MICU1: variants seen among roughly 807,000 people sequenced by gnomAD.
MICU1 encodes mitochondrial calcium uptake 1.
A neutral mutation model predicts 56.8 loss-of-function variants in MICU1; 45 were observed. That is an observed-to-expected ratio of 0.79 (90% confidence interval 0.62 to 1.02). The LOEUF (loss-of-function observed/expected upper bound fraction) is 1.02, where lower values mean the gene tolerates loss of function less well. MICU1 is among the 50% of genes least tolerant of loss of function. The pLI is 0.00. For missense variants in MICU1, 504 were observed against 587.1 expected, an observed-to-expected ratio of 0.86 and a Z score of 1.46; for synonymous variants, 186 against 195.1, an observed-to-expected ratio of 0.95 and a Z score of 0.39.
At chr10:72,376,234 C>T (rs1255284188) in intron 10 of MICU1, among the ~76,000 whole-genome samples, 2 of 151,058 alleles carry the variant, frequency 1.3e-5, no homozygotes, top group African/African-American at 4.9e-5. Context: ...GCTGAGATCA[C>T]GCCACTGCTC....
intron 1 of MICU1, among the ~76,000 whole-genome samples, chr10:72,617,426 G>C (rs914493577): frequency 6.6e-6 from 1 of 152,080 alleles, no homozygotes; most frequent in African/African-American, 2.4e-5. Context: ...ACTATGCTAA[G>C]TACCTGATAT....
At chr10:72,488,595 A>G (rs61643388) in intron 6 of MICU1, among the ~76,000 whole-genome samples, 4,137 of 152,274 alleles carry the variant, frequency 0.027, 182 homozygotes, top group African/African-American at 0.096. Context: ...AATTGCTACT[A>G]GCAATAACAG....
At chr10:72,412,208 T>G (rs1863838387) in intron 9 of MICU1, among the ~76,000 whole-genome samples, 1 of 152,200 alleles carries the variant, frequency 6.6e-6, no homozygotes, top group African/African-American at 2.4e-5. Context: ...AACATGAGCT[T>G]TGTGGCTGGA....
rs1865590686 is a variant in MICU1, at chr10:72,459,799, C to T, written c.933+15301G>A. ...TGTAGAGAAAGCTATTGAGGTGTCT[C>T]ATGAATACTTCAAACCCAAAATGTC... On this transcript the variant is annotated intron_variant, in intron 8 of 11. Coordinates refer to ENST00000361114, the MANE Select transcript of MICU1 (RefSeq NM_001195518.2). 3.9e-5 allele frequency among the ~76,000 whole-genome samples: 6 copies of T among 152,304 alleles called. No homozygotes were observed. The South Asian group carries it at 1.2e-3, about 32-fold the overall frequency.
intron 3 of MICU1, among the ~76,000 whole-genome samples, chr10:72,555,830 T>A (rs1334077535): frequency 6.6e-6 from 1 of 152,192 alleles, no homozygotes; most frequent in Non-Finnish European, 1.5e-5. Context: ...GGTTACAAAT[T>A]AAATAAGAGG....
At chr10:72,575,743 T>G (rs1204635333) in intron 1 of MICU1, among the ~76,000 whole-genome samples, 4 of 152,196 alleles carry the variant, frequency 2.6e-5, no homozygotes, top group Admixed American at 2.6e-4. Context: ...GTAACTGTTG[T>G]GTGTGTTCTG....
intron 1 of MICU1, among the ~76,000 whole-genome samples, chr10:72,621,847 GA>G (rs1260219088): frequency 2.6e-5 from 4 of 151,966 alleles, no homozygotes; most frequent in Non-Finnish European, 5.9e-5. Context: ...ATTAAAAATA[GA>G]AAAAAATCAA....
chr10:72,479,447 C>A (rs1866222038), intron 6 of MICU1, among the ~76,000 whole-genome samples: 1 of 152,188 alleles, frequency 6.6e-6, no homozygotes, highest in African/African-American at 2.4e-5. Flanking sequence ...AGAAACACTG[C>A]CTGTGTTATG....
At chr10:72,514,744 C>T (rs921096558) in intron 5 of MICU1, among the ~76,000 whole-genome samples, 3 of 152,164 alleles carry the variant, frequency 2.0e-5, no homozygotes, top group African/African-American at 7.2e-5. Flanking sequence ...CTTAAGATTC[C>T]GGCTTGCATG....
At chr10:72,564,784 C>T (rs540578283) in intron 2 of MICU1, among the ~76,000 whole-genome samples, 2 of 152,110 alleles carry the variant, frequency 1.3e-5, no homozygotes, top group African/African-American at 4.8e-5. Context: ...AGAACACTCT[C>T]GAGTATTGAG....
In MICU1 at chr10:72,460,627, A is replaced by C. The variant is rs118091386; in HGVS notation, c.933+14473T>G. Among the ~76,000 whole-genome samples the C allele has an allele frequency of 5.1e-3, 779 of 152,326 alleles. 1 individual carries two copies. The highest frequency in any genetic ancestry group is 8.7e-3 in the Non-Finnish European group (590 of 68,024). On this transcript the variant is annotated intron_variant, in intron 8 of 11. Transcript: ENST00000361114. Reference sequence around the variant, plus strand: ...ACCCTTTAAAGTGGTATTTGCTCAAAGTATGAATTCAAAAGGCTGCATATG... The same window carrying C: ...ACCCTTTAAAGTGGTATTTGCTCAACGTATGAATTCAAAAGGCTGCATATG...
intron 1 of MICU1, among the ~76,000 whole-genome samples, chr10:72,623,297 T>A (rs1352773517): frequency 1.7e-4 from 3 of 17,452 alleles, no homozygotes; most frequent in Non-Finnish European, 3.9e-4. Context: ...CGAGACTCCG[T>A]CTCAAAAAAA....
intron 5 of MICU1, among the ~76,000 whole-genome samples, chr10:72,516,266 T>C (rs1867642572): frequency 6.6e-6 from 1 of 152,144 alleles, no homozygotes. Context: ...ATATCGTTCA[T>C]CTACTTTTTG....
At chr10:72,497,715 C>T (rs1866894167) in intron 6 of MICU1, among the ~76,000 whole-genome samples, 1 of 152,138 alleles carries the variant, frequency 6.6e-6, no homozygotes, top group Non-Finnish European at 1.5e-5. Context: ...ACAGTTTGCT[C>T]TAGGGTAATG....
intron 1 of MICU1, among the ~76,000 whole-genome samples, chr10:72,601,428 TA>T (rs77385847): frequency 0.022 from 1,979 of 90,988 alleles, 16 homozygotes; most frequent in Non-Finnish European, 0.028. Context: ...ACCCTGTCTT[TA>T]AAAAAAAAAA....
At chr10:72,502,150 T>A (rs1867090778) in intron 6 of MICU1, among the ~76,000 whole-genome samples, 1 of 103,332 alleles carries the variant, frequency 9.7e-6, no homozygotes, top group Admixed American at 9.3e-5. Flanking sequence ...TTTGCTGTTT[T>A]TTTTTTTGTT....
At chr10:72,586,856 C>T (rs1039315430) in intron 1 of MICU1, among the ~76,000 whole-genome samples, 1 of 152,162 alleles carries the variant, frequency 6.6e-6, no homozygotes, top group Non-Finnish European at 1.5e-5. Flanking sequence ...TGGCACATGC[C>T]TATATCTCTC....
rs189899516 is a variant in MICU1, at chr10:72,594,840, G to T, written c.-1-28046C>A. On this transcript the variant is annotated intron_variant, in intron 1 of 11. Coordinates refer to ENST00000361114, the MANE Select transcript of MICU1 (RefSeq NM_001195518.2). ...AAGGACGATCACTTGAGCCCAGGAG[G>T]TTGAGGCTGCAGTAAGCCAAGACTG... Among the ~76,000 whole-genome samples the T allele has an allele frequency of 4.1e-3, 591 of 145,616 alleles. 4 individuals carry two copies. Among genetic ancestry groups the T allele is most frequent in the African/African-American group, 0.014 (526 of 38,732 alleles).
At chr10:72,532,824 T>C (rs370954505) in intron 5 of MICU1, 2 of 983,726 alleles carry the variant, frequency 2.0e-6, no homozygotes, top group Non-Finnish European at 1.2e-6. Context: ...CTCCCAAATC[T>C]TAAGGCAGCT....
Sources: allele counts gnomAD v4.1 joint callset (sites outside exome capture counted in the v4.1 genomes callset), GRCh38; gene constraint gnomAD v4.1.1; transcripts MANE v1.5; gene names NCBI Gene and HGNC (gene_info 2026-07-23, HGNC 2026-07-21).